Variants in PRKRA observed in about 807,000 individuals in gnomAD.
The protein encoded by PRKRA is interferon-inducible double-stranded RNA-dependent protein kinase activator A.
Under a neutral mutation model 32.4 loss-of-function variants are expected in PRKRA, and 22 were observed. The observed-to-expected ratio is 0.68, with a 90% CI of 0.49 to 0.97. PRKRA has a LOEUF of 0.97. Among genes scored for constraint, PRKRA ranks in the 50% least tolerant of loss-of-function variants. PRKRA has a pLI of 0.00. For synonymous variants in PRKRA, 139 were observed against 129.8 expected, an observed-to-expected ratio of 1.07 and a Z score of -0.48; for missense variants, 319 against 375.6, an observed-to-expected ratio of 0.85 and a Z score of 1.25.
At chr2:178,438,138 A>T (rs953897795) in intron 6 of PRKRA, among the ~76,000 whole-genome samples, 3 of 152,206 alleles carry the variant, frequency 2.0e-5, no homozygotes, top group South Asian at 2.1e-4. Context: ...TATGTTGTCA[A>T]ATGTATTAAT....
intron 2 of PRKRA, among the ~76,000 whole-genome samples, chr2:178,447,874 A>G (rs1008422910): frequency 5.9e-5 from 9 of 152,250 alleles, no homozygotes; most frequent in Admixed American, 5.2e-4. Context: ...TCTACATTAT[A>G]TATGTTTATT....
intron 2 of PRKRA, chr2:178,449,954 A>C (rs1031939457): frequency 2.0e-6 from 1 of 495,626 alleles, no homozygotes; most frequent in Non-Finnish European, 3.7e-6. Context: ...TCTAATTCTA[A>C]GAAGAACCCT....
At chr2:178,448,692 G>GAGAT (rs1244693721) in intron 2 of PRKRA, among the ~76,000 whole-genome samples, 1 of 152,232 alleles carries the variant, frequency 6.6e-6, no homozygotes, top group Non-Finnish European at 1.5e-5. Context: ...ATCCAAGTGA[G>GAGAT]AGATGATGGT....
At chr2:178,445,149 T>C (rs1326834560) in intron 3 of PRKRA, among the ~76,000 whole-genome samples, 2 of 152,138 alleles carry the variant, frequency 1.3e-5, no homozygotes, top group Non-Finnish European at 2.9e-5. Context: ...CTGCAGAAAA[T>C]AGATGGCTTA....
intron 7 of PRKRA, among the ~76,000 whole-genome samples, chr2:178,432,942 A>C (rs550208549): frequency 1.2e-4 from 19 of 152,348 alleles, no homozygotes; most frequent in Non-Finnish European, 2.6e-4. Flanking sequence ...TCAACTGATG[A>C]GCCACTCTTA....
At chr2:178,441,803 C>A (rs1436382138) in intron 5 of PRKRA, 99 bp from the exon 6 acceptor site, 12 of 1,003,330 alleles carry the variant, frequency 1.2e-5, no homozygotes, top group Middle Eastern at 2.1e-4. Flanking sequence ...GAGAACCTCA[C>A]GGTTTTTATT....
intron 5 of PRKRA, among the ~76,000 whole-genome samples, chr2:178,442,783 T>A (rs956227290): frequency 2.0e-5 from 3 of 152,256 alleles, no homozygotes; most frequent in African/African-American, 4.8e-5. Context: ...GCGTTTCTTA[T>A]AGTTTATATC....
At chr2:178,446,278 G>C (rs966792025) in intron 3 of PRKRA, among the ~76,000 whole-genome samples, 1 of 152,168 alleles carries the variant, frequency 6.6e-6, no homozygotes, top group South Asian at 2.1e-4. Context: ...GCCTCCCAAA[G>C]TGCTGGGATT....
At chr2:178,448,309 T>C (rs1284000041) in intron 2 of PRKRA, among the ~76,000 whole-genome samples, 2 of 152,206 alleles carry the variant, frequency 1.3e-5, no homozygotes, top group African/African-American at 4.8e-5. Flanking sequence ...CATACCCTCA[T>C]GGAATAAGTT....
intron 7 of PRKRA, among the ~76,000 whole-genome samples, chr2:178,434,959 TA>T (rs369335856): frequency 0.041 from 5,718 of 139,160 alleles, 268 homozygotes; most frequent in South Asian, 0.18. Flanking sequence ...CCATCTCTAC[TA>T]AAAAAAAAAA....
chr2:178,435,325 G>C (rs187702234), intron 7 of PRKRA, among the ~76,000 whole-genome samples: 153 of 143,004 alleles, frequency 1.1e-3, no homozygotes, highest in African/African-American at 3.7e-3. Context: ...AGAGGTTGCA[G>C]TGAGTTGAGA....
chr2:178,450,733 C>T (rs564073404), intron 1 of PRKRA: 1 of 1,363,834 alleles, frequency 7.3e-7, no homozygotes, highest in Admixed American at 3.4e-5. Flanking sequence ...GCGCGCCGAC[C>T]GAGCGTCACC....
At chr2:178,436,683 T>G (rs1696911509) in intron 6 of PRKRA, among the ~76,000 whole-genome samples, 1 of 151,970 alleles carries the variant, frequency 6.6e-6, no homozygotes, top group African/African-American at 2.4e-5. Context: ...ATTTGCAGAT[T>G]AAAATATAGA....
intron 7 of PRKRA, among the ~76,000 whole-genome samples, chr2:178,433,157 G>T (rs1214156107): frequency 1.3e-5 from 2 of 152,164 alleles, no homozygotes; most frequent in African/African-American, 4.8e-5. Flanking sequence ...GCTTCTGCTT[G>T]AGGCTCATCC....
At chr2:178,443,605 G>A in intron 4 of PRKRA, 1 of 451,532 alleles carries the variant, frequency 2.2e-6, no homozygotes, top group Non-Finnish European at 4.1e-6. Context: ...TGCTACGAAT[G>A]GTGTTCTTGC....
rs1575102989 is a variant in PRKRA, at chr2:178,449,930, C to T, written c.235+312G>A. On this transcript the variant is annotated intron_variant, in intron 2 of 7. Transcript: ENST00000325748. ...ACCCAGCTATGACTGCTCCAAGAAC[C>T]TTTCCTGCTTCCCTCTAATTCTAAG... 8.9e-6 allele frequency: 4 copies of T among 451,878 alleles called. No individual in the cohort carries two copies. In the Admixed American group the frequency reaches 1.4e-4, roughly 16 times the overall value. 28.0% of individuals were successfully genotyped at this position (451,878 alleles called of 1,614,324 possible).
intron 7 of PRKRA, among the ~76,000 whole-genome samples, chr2:178,434,720 G>A (rs995066715): frequency 1.3e-5 from 2 of 152,114 alleles, no homozygotes; most frequent in East Asian, 1.9e-4. Flanking sequence ...GGAGTTCTTT[G>A]AGCCCCTAAG....
chr2:178,440,785 T>A (rs1697081253), intron 6 of PRKRA, among the ~76,000 whole-genome samples: 1 of 152,228 alleles, frequency 6.6e-6, no homozygotes, highest in South Asian at 2.1e-4. Flanking sequence ...TGCAGCCAAG[T>A]GATTTCCTTG....
Position 178,437,167 on chromosome 2 carries a change from C to T in PRKRA, c.610-848G>A, listed in dbSNP as rs147592993. ...GGAATTAAGTAATTTATTAGATTTA[C>T]CAAATAAAAATTTACATTATAGAAA... On this transcript the variant is annotated intron_variant, in intron 6 of 7. Coordinates refer to ENST00000325748, the MANE Select transcript of PRKRA (RefSeq NM_003690.5). Among the ~76,000 whole-genome samples, 1,492 of 152,076 alleles carry T rather than the reference C, an allele frequency of 9.8e-3. 41 individuals carry two copies. Among genetic ancestry groups the T allele is most frequent in the Non-Finnish European group, 8.7e-3 (589 of 67,966 alleles).
Sources: allele counts gnomAD v4.1 joint callset (sites outside exome capture counted in the v4.1 genomes callset), GRCh38; gene constraint gnomAD v4.1.1; transcripts MANE v1.5; gene names NCBI Gene and HGNC (gene_info 2026-07-23, HGNC 2026-07-21).